Variants in NRP2 observed in about 807,000 individuals in gnomAD.
The protein encoded by NRP2 is neuropilin-2.
In NRP2, 52 loss-of-function variants were observed where a neutral mutation model predicts 110.4. That is an observed-to-expected ratio of 0.47 (90% CI 0.38 to 0.59). NRP2 has a LOEUF of 0.59. Among genes scored for constraint, NRP2 ranks in the 20% least tolerant of loss-of-function variants. NRP2 has a pLI of 0.00. For synonymous variants in NRP2, 508 were observed against 468.9 expected, an observed-to-expected ratio of 1.08 and a Z score of -1.08; for missense variants, 1,049 against 1,203.0, an observed-to-expected ratio of 0.87 and a Z score of 1.89.
At chr2:205,783,649 G>C (rs1331589666) in intron 15 of NRP2, among the ~76,000 whole-genome samples, 2 of 152,316 alleles carry the variant, frequency 1.3e-5, no homozygotes, top group Non-Finnish European at 2.9e-5. Context: ...GCAGTGAGGT[G>C]GTTTTCTAGT....
chr2:205,697,475 G>T, intron 1 of NRP2, 69 bp from the exon 2 acceptor site: 3 of 1,370,968 alleles, frequency 2.2e-6, no homozygotes, highest in Non-Finnish European at 3.1e-6. Flanking sequence ...CAGAAGAGAA[G>T]GAGGGAGTGT....
Position 205,796,467 on chromosome 2 carries a change from C to T in NRP2, c.*1409C>T, listed in dbSNP as rs1251939922. On this transcript the variant is annotated 3_prime_UTR_variant, in exon 17 of 17. Coordinates refer to ENST00000357785, the MANE Select transcript of NRP2 (RefSeq NM_003872.3). The stretch of plus-strand genomic sequence containing the variant: ...ACATGCACGCACGCACGCATGCACA[C>T]CAATTTATGTTTTTATTAAGTGCCT... 2 of 152,534 alleles carry T rather than the reference C, an allele frequency of 1.3e-5. No individual in the cohort carries two copies. The highest frequency in any genetic ancestry group is 2.9e-5 in the Non-Finnish European group (2 of 68,040). The allele number at this position is 152,534 out of a possible 1,614,324, so 9.4% of individuals were successfully genotyped here.
At chr2:205,697,341 TGTG>T (rs2056453241) in intron 1 of NRP2, among the ~76,000 whole-genome samples, 200 bp from the exon 2 acceptor site, 4 of 150,930 alleles carry the variant, frequency 2.7e-5, no homozygotes, top group Non-Finnish European at 5.9e-5. Flanking sequence ...TGTGTGTGTG[TGTG>T]TAGTTGGGTG....
chr2:205,753,635 G>T (rs966501875), intron 12 of NRP2, among the ~76,000 whole-genome samples: 1 of 152,228 alleles, frequency 6.6e-6, no homozygotes, highest in Non-Finnish European at 1.5e-5. Context: ...CTTCTAAACA[G>T]GTAGCAAGAG....
chr2:205,710,478 G>A (rs1478416076), intron 2 of NRP2, among the ~76,000 whole-genome samples: 1 of 152,232 alleles, frequency 6.6e-6, no homozygotes, highest in Non-Finnish European at 1.5e-5. Context: ...ACAGTTTGCA[G>A]ATATACCAGC....
intron 3 of NRP2, among the ~76,000 whole-genome samples, chr2:205,719,463 A>C (rs1242709293): frequency 6.6e-6 from 1 of 151,280 alleles, no homozygotes; most frequent in African/African-American, 2.5e-5. Context: ...TACCATGAGC[A>C]GAACAGAAAC....
chr2:205,725,861 C>G lies in NRP2; in HGVS notation c.821-52C>G, dbSNP rs759324762. 1 of 1,601,520 alleles carries G rather than the reference C, an allele frequency of 6.2e-7. No homozygotes were observed. The highest frequency in any genetic ancestry group is 1.3e-5 in the African/African-American group (1 of 74,762). On this transcript the variant is annotated intron_variant, in intron 5 of 16. Coordinates refer to ENST00000357785, the MANE Select transcript of NRP2 (RefSeq NM_003872.3). The surrounding 1 kb of genome is among the most constrained non-coding windows in gnomAD (Gnocchi z 4.1). ...AAGGGAGGCAGCATTTGGGGGATCC[C>G]GAGGTATGAGGTTGGAAGGCCTAAC...
At chr2:205,791,418 C>T (rs11676095) in intron 15 of NRP2, among the ~76,000 whole-genome samples, 10,153 of 152,256 alleles carry the variant, frequency 0.067, 471 homozygotes, top group Admixed American at 0.1. Flanking sequence ...TTGATGTTCT[C>T]TATTAATGTT....
chr2:205,748,173 C>CTGATT (rs1356612296), intron 10 of NRP2, among the ~76,000 whole-genome samples: 2 of 152,190 alleles, frequency 1.3e-5, no homozygotes, highest in African/African-American at 2.4e-5. Context: ...ACCCATTTTG[C>CTGATT]TACCTAACAT....
intron 1 of NRP2, among the ~76,000 whole-genome samples, chr2:205,688,349 A>T (rs1256565775): frequency 6.6e-6 from 1 of 152,220 alleles, no homozygotes; most frequent in African/African-American, 2.4e-5. Flanking sequence ...TGTTCCTTCC[A>T]GGTAAGGACT....
intron 3 of NRP2, chr2:205,722,145 C>CCTCTCTCTCTCTCTCT: frequency 4.6e-6 from 1 of 215,376 alleles, no homozygotes; most frequent in East Asian, 1.0e-4. Flanking sequence ...CAAGAGAATC[C>CCTCTCTCTCTCTCTCT]CTCTCTCTCT....
intron 15 of NRP2, among the ~76,000 whole-genome samples, chr2:205,772,934 C>A (rs1316081531): frequency 6.6e-6 from 1 of 152,196 alleles, no homozygotes; most frequent in East Asian, 1.9e-4. Context: ...CAGGGAAGTA[C>A]CAGTAGGTCA....
Position 205,763,748 on chromosome 2 carries a change from G to A in NRP2, c.2119G>A (p.Val707Ile). Residue 707 changes from valine (V) to isoleucine (I), a missense_variant, in exon 13 of 17, where the codon GTC (valine) becomes ATC (isoleucine). Val to Ile is a conservative substitution (Grantham distance 29, BLOSUM62 3). Coordinates refer to ENST00000357785, the MANE Select transcript of NRP2 (RefSeq NM_003872.3). This position sits in a 1 kb window ranked among gnomAD's most constrained non-coding sequence, Gnocchi z 4.0. ...GQYARLISPP[V>I]HLPRSPVCME... is the part of the protein sequence containing the mutation. The stretch of plus-strand genomic sequence containing the variant: ...GTATGCCCGGCTCATCAGCCCCCCT[G>A]TCCACCTGCCCCGAAGCCCGGTGTG... The A allele has an allele frequency of 6.2e-7, 1 of 1,614,198 alleles. No individual in the cohort carries two copies. Among genetic ancestry groups the A allele is most frequent in the Non-Finnish European group, 8.5e-7 (1 of 1,180,026 alleles).
chr2:205,777,701 G>A (rs1178911759), intron 15 of NRP2: 5 of 152,122 alleles, frequency 3.3e-5, no homozygotes, highest in African/African-American at 1.2e-4. Flanking sequence ...GGGGGAAAAG[G>A]GATCATTTGC....
intron 15 of NRP2, among the ~76,000 whole-genome samples, chr2:205,782,242 G>A (rs1317198627): frequency 6.6e-6 from 1 of 152,056 alleles, no homozygotes; most frequent in African/African-American, 2.4e-5. Flanking sequence ...GCCCCAAAAA[G>A]CTAAAGTCCC....
intron 14 of NRP2, among the ~76,000 whole-genome samples, chr2:205,766,315 G>A (rs186140703): frequency 2.7e-4 from 41 of 152,290 alleles, no homozygotes; most frequent in Non-Finnish European, 4.9e-4. Context: ...GAGAAGGCAT[G>A]AGGGTTGCTT....
At chr2:205,698,984 A>C (rs1401913733) in intron 2 of NRP2, among the ~76,000 whole-genome samples, 1 of 152,218 alleles carries the variant, frequency 6.6e-6, no homozygotes, top group African/African-American at 2.4e-5. Context: ...GGCTCAGTGA[A>C]TTGATGTCAT....
At chr2:205,754,777 A>C (rs983125583) in intron 12 of NRP2, among the ~76,000 whole-genome samples, 1 of 148,854 alleles carries the variant, frequency 6.7e-6, no homozygotes, top group African/African-American at 2.5e-5. Context: ...GTGTGTGTGC[A>C]TGAGTGTGTT....
chr2:205,740,295 AG>A (rs551198889), intron 7 of NRP2, among the ~76,000 whole-genome samples: 53 of 152,272 alleles, frequency 3.5e-4, no homozygotes, highest in Admixed American at 1.4e-3. Flanking sequence ...TCCCTCTAAA[AG>A]TTTCTGGGAA....
Sources: gnomAD v4.1 joint callset for allele counts (sites outside exome capture counted in the v4.1 genomes callset) on GRCh38, gnomAD v4.1.1 for gene constraint, Gnocchi (gnomAD v3.1) non-coding constraint, MANE v1.5 for transcripts, NCBI Gene and HGNC (gene_info 2026-07-23, HGNC 2026-07-21) for gene names.